The following GABRG3 variants were observed in gnomAD, a reference collection of about 807,000 sequenced individuals.
GABRG3 encodes gamma-aminobutyric acid type A receptor subunit gamma3, also known as gamma-aminobutyric acid receptor subunit gamma-3.
A neutral mutation model predicts 48.8 loss-of-function variants in GABRG3; 25 were observed. The ratio of observed to expected loss-of-function variants is 0.51; its 90% CI spans 0.37 to 0.72. The LOEUF is 0.72. GABRG3 is among the 30% of genes least tolerant of loss of function. The pLI is 0.00. For missense variants in GABRG3, 394 were observed against 577.9 expected (o/e 0.68, Z 3.26); for synonymous variants, 227 against 217.6 (o/e 1.04, Z -0.38).
intron 5 of GABRG3, among the ~76,000 whole-genome samples, chr15:27,368,540 G>C (rs2140553632): frequency 6.6e-6 from 1 of 152,292 alleles, no homozygotes; most frequent in South Asian, 2.1e-4. Flanking sequence ...GCATAGTTGG[G>C]CATGTCCCTG....
At chr15:27,306,245 A>AT (rs1425462231) in intron 3 of GABRG3, among the ~76,000 whole-genome samples, 22 of 138,066 alleles carry the variant, frequency 1.6e-4, no homozygotes, top group Admixed American at 4.5e-4. Flanking sequence ...ATATAAACAT[A>AT]ATATAAACAT....
At chr15:27,404,528 C>T (rs1487096962) in intron 5 of GABRG3, among the ~76,000 whole-genome samples, 1 of 152,150 alleles carries the variant, frequency 6.6e-6, no homozygotes, top group Non-Finnish European at 1.5e-5. Context: ...CATCCTGGGG[C>T]CCTGGGGCCC....
chr15:27,134,981 G>C (rs1256553256), intron 3 of GABRG3, among the ~76,000 whole-genome samples: 5 of 152,200 alleles, frequency 3.3e-5, no homozygotes, highest in Admixed American at 6.5e-5. Flanking sequence ...GCCCACGTTA[G>C]AGTCAGCTTT....
In GABRG3 at chr15:27,153,157, G is replaced by T. The variant is rs1028923609; in HGVS notation, c.270+126336G>T. Among the ~76,000 whole-genome samples, 74 of 152,310 alleles carry T rather than the reference G, an allele frequency of 4.9e-4. 1 individual carries two copies. Among genetic ancestry groups the T allele is most frequent in the African/African-American group, 1.7e-3 (71 of 41,576 alleles). ...ATTACAGGCGTGAGCCACGGCGCCT[G>T]GCCTGAGTTAGTTTTTGTATAAGAT... On this transcript the variant is annotated intron_variant, in intron 3 of 9. Coordinates refer to ENST00000615808, the MANE Select transcript of GABRG3 (RefSeq NM_033223.5).
chr15:27,007,357 T>G (rs1595468882), intron 2 of GABRG3, among the ~76,000 whole-genome samples: 1 of 152,254 alleles, frequency 6.6e-6, no homozygotes. Context: ...GGATTATAGG[T>G]GTGAACCACT....
chr15:27,396,810 T>C (rs1008187447), intron 5 of GABRG3, among the ~76,000 whole-genome samples: 2 of 152,208 alleles, frequency 1.3e-5, no homozygotes, highest in African/African-American at 4.8e-5. Flanking sequence ...AAGCTCTTGA[T>C]TCATGTAACA....
intron 5 of GABRG3, among the ~76,000 whole-genome samples, chr15:27,336,662 G>A (rs188119331): frequency 2.4e-3 from 359 of 152,234 alleles, no homozygotes; most frequent in Non-Finnish European, 4.7e-3. Flanking sequence ...GCAAGCTTGG[G>A]CATTTATCGT....
At chr15:27,128,718 A>G (rs1370409893) in intron 3 of GABRG3, among the ~76,000 whole-genome samples, 1 of 152,266 alleles carries the variant, frequency 6.6e-6, no homozygotes, top group Non-Finnish European at 1.5e-5. Context: ...AGCCGAGTCC[A>G]GAACTGAAAT....
Position 27,063,689 on chromosome 15 carries a change from C to T in GABRG3, c.270+36868C>T, listed in dbSNP as rs758986896. 7.2e-5 allele frequency among the ~76,000 whole-genome samples: 11 copies of T among 152,310 alleles called. No homozygotes were observed. In the South Asian group the frequency reaches 1.9e-3, roughly 26 times the overall value. On this transcript the variant is annotated intron_variant, in intron 3 of 9. Coordinates refer to ENST00000615808, the MANE Select transcript of GABRG3 (RefSeq NM_033223.5). ...TCTCAGATATTTCTTTATAGCCTTGCGAGAATGGCCTAAGACAGCACCTTA... is the reference window on the plus strand; with the variant it reads ...TCTCAGATATTTCTTTATAGCCTTGTGAGAATGGCCTAAGACAGCACCTTA...
At chr15:27,306,520 TATA>T (rs1357291526) in intron 3 of GABRG3, among the ~76,000 whole-genome samples, 1 of 137,836 alleles carries the variant, frequency 7.3e-6, no homozygotes, top group Non-Finnish European at 1.5e-5. Flanking sequence ...TATAAACATA[TATA>T]ATATAAACAT....
In GABRG3 at chr15:27,355,501, A is replaced by C. The variant is rs369172162; in HGVS notation, c.574+26613A>C. On this transcript the variant is annotated intron_variant, in intron 5 of 9. Transcript: ENST00000615808. ...ACAACAAGTGTTGGTGATGATAGAGAGCAAGCACTTTGCTGGTGGAAATGT... is the reference window on the plus strand; with the variant it reads ...ACAACAAGTGTTGGTGATGATAGAGCGCAAGCACTTTGCTGGTGGAAATGT... Among the ~76,000 whole-genome samples the C allele has an allele frequency of 1.5e-4, 23 of 152,348 alleles. 1 individual carries two copies. Among genetic ancestry groups the C allele is most frequent in the African/African-American group, 4.8e-4 (20 of 41,580 alleles).
rs1295325045 is a variant in GABRG3 at position 27,306,557 on chromosome 15, A to C, written c.271-20252A>C. Among the ~76,000 whole-genome samples, 4 of 48,072 alleles carry C rather than the reference A, an allele frequency of 8.3e-5. No homozygotes were observed. In the South Asian group the frequency reaches 1.5e-3, roughly 18 times the overall value. The allele number at this position is 48,072 out of a possible 152,430, so 31.5% of individuals were successfully genotyped here. On this transcript the variant is annotated intron_variant, in intron 3 of 9. Transcript: ENST00000615808. ...ATAAACATATAATATAAACATATAT[A>C]ATATAAACATATATGTTTATATATA... is the stretch of plus-strand genomic sequence containing the variant.
rs1555410282 is a variant in GABRG3, at chr15:27,216,743, T to TA, written c.271-110066_271-110065insA. On this transcript the variant is annotated intron_variant, in intron 3 of 9. Coordinates refer to ENST00000615808, the MANE Select transcript of GABRG3 (RefSeq NM_033223.5). ...CTGACCAATTCATTTCTTTTTTTTT[T>TA]TTTATTTTTTATTTATTTATTTATT... Among the ~76,000 whole-genome samples, 4 of 100,214 alleles carry TA rather than the reference T, an allele frequency of 4.0e-5. No individual in the cohort carries two copies. The South Asian group carries it at 8.7e-4, about 22-fold the overall frequency. 65.7% of individuals were successfully genotyped at this position (100,214 alleles called of 152,430 possible). A position where few individuals can be genotyped will look rare whatever the true frequency, so the allele number is the denominator to read the frequency against.
At chr15:27,524,527 A>T (rs1254283533) in intron 7 of GABRG3, among the ~76,000 whole-genome samples, 1 of 152,172 alleles carries the variant, frequency 6.6e-6, no homozygotes, top group Non-Finnish European at 1.5e-5. Context: ...GCAAAAAATC[A>T]TAATGCTACT....
chr15:27,369,676 G>A (rs755983050), intron 5 of GABRG3, among the ~76,000 whole-genome samples: 25 of 151,736 alleles, frequency 1.6e-4, no homozygotes, highest in Non-Finnish European at 2.4e-4. Context: ...ACGTGGTAGC[G>A]GGCACCTGTG....
chr15:27,164,474 G>T (rs1465132359), intron 3 of GABRG3, among the ~76,000 whole-genome samples: 1 of 152,162 alleles, frequency 6.6e-6, no homozygotes, highest in Admixed American at 6.5e-5. Context: ...TAGTACTACT[G>T]GGTTCTCAGT....
chr15:27,185,758 A>C (rs2140419171), intron 3 of GABRG3, among the ~76,000 whole-genome samples: 1 of 150,872 alleles, frequency 6.6e-6, no homozygotes, highest in East Asian at 2.0e-4. Context: ...TTCCTAGTGG[A>C]ATAATCTTTT....
intron 3 of GABRG3, among the ~76,000 whole-genome samples, chr15:27,056,623 G>A (rs1896552713): frequency 1.3e-5 from 2 of 152,070 alleles, no homozygotes; most frequent in Non-Finnish European, 2.9e-5. Flanking sequence ...CCGCCGGAAG[G>A]AGCTCAGATC....
intron 5 of GABRG3, among the ~76,000 whole-genome samples, chr15:27,404,125 G>T (rs1445142892): frequency 6.6e-6 from 1 of 152,098 alleles, no homozygotes; most frequent in Non-Finnish European, 1.5e-5. Context: ...GGAGGCTGAG[G>T]CAGGAGAATG....
Sources: gnomAD v4.1 joint callset for allele counts (sites outside exome capture counted in the v4.1 genomes callset) on GRCh38, gnomAD v4.1.1 for gene constraint, MANE v1.5 for transcripts, NCBI Gene and HGNC (gene_info 2026-07-23, HGNC 2026-07-21) for gene names.